Variants in NRXN3 observed in about 807,000 individuals in gnomAD.
NRXN3 encodes the protein neurexin III.
Under a neutral mutation model 137.6 loss-of-function variants are expected in NRXN3, and 32 were observed. That is an observed-to-expected ratio of 0.23 (90% CI 0.18 to 0.31). The LOEUF (loss-of-function observed/expected upper bound fraction) is 0.31. NRXN3 is among the 10% of genes least tolerant of loss of function. NRXN3 has a pLI of 1.00. For missense variants in NRXN3, 1,574 were observed against 2,062.5 expected (o/e 0.76, Z 4.59); for synonymous variants, 798 against 784.5 (o/e 1.02, Z -0.29).
intron 16 of NRXN3, among the ~76,000 whole-genome samples, chr14:79,639,261 T>C (rs531837209): frequency 8.5e-5 from 13 of 152,300 alleles, no homozygotes; most frequent in Admixed American, 3.3e-4. Flanking sequence ...AGTTTTGATA[T>C]ATAGGTAAAC....
intron 16 of NRXN3, among the ~76,000 whole-genome samples, chr14:79,560,119 A>G (rs2097476390): frequency 6.6e-6 from 1 of 152,158 alleles, no homozygotes; most frequent in African/African-American, 2.4e-5. Context: ...TACTATTTGC[A>G]ACTAACTGCT....
chr14:79,766,641 A>T (rs2139604255), intron 19 of NRXN3, among the ~76,000 whole-genome samples: 1 of 152,296 alleles, frequency 6.6e-6, no homozygotes, highest in Non-Finnish European at 1.5e-5. Flanking sequence ...TCTCACAAAG[A>T]TCTTCTTAGC....
intron 2 of NRXN3, among the ~76,000 whole-genome samples, chr14:78,271,837 G>A (rs1372262262): frequency 6.6e-6 from 1 of 152,150 alleles, no homozygotes; most frequent in Non-Finnish European, 1.5e-5. Flanking sequence ...CCTTATGTCG[G>A]GGATAAAGCT....
intron 15 of NRXN3, among the ~76,000 whole-genome samples, chr14:79,400,379 G>C (rs544172365): frequency 6.6e-6 from 1 of 152,188 alleles, no homozygotes; most frequent in Non-Finnish European, 1.5e-5. Flanking sequence ...ACAGTCTACT[G>C]TGTGTCAAGT....
chr14:79,428,498 T>C (rs1241272210), intron 15 of NRXN3, among the ~76,000 whole-genome samples: 1 of 152,080 alleles, frequency 6.6e-6, no homozygotes, highest in African/African-American at 2.4e-5. Context: ...AGACATGAAA[T>C]TCAGTGGAAA....
At chr14:78,492,703 G>A (rs923057038) in intron 4 of NRXN3, among the ~76,000 whole-genome samples, 2 of 152,160 alleles carry the variant, frequency 1.3e-5, no homozygotes, top group Admixed American at 6.5e-5. Context: ...TAGGGGCTGG[G>A]TGGATAATAT....
At chr14:78,451,330 G>T (rs1215593282) in intron 4 of NRXN3, among the ~76,000 whole-genome samples, 4 of 152,208 alleles carry the variant, frequency 2.6e-5, no homozygotes, top group Admixed American at 6.5e-5. Context: ...CTGGTATAAG[G>T]TGTGGGAGTT....
intron 10 of NRXN3, among the ~76,000 whole-genome samples, chr14:78,942,346 C>T (rs923662918): frequency 6.6e-6 from 1 of 152,206 alleles, no homozygotes; most frequent in Admixed American, 6.5e-5. Context: ...CCTGTCTTAA[C>T]ACTGAGCCTC....
At chr14:79,121,229 C>T (rs1170106551) in intron 15 of NRXN3, among the ~76,000 whole-genome samples, 4 of 152,154 alleles carry the variant, frequency 2.6e-5, no homozygotes, top group South Asian at 2.1e-4. Flanking sequence ...CTTTTCAAGG[C>T]GACTGAGAGC....
chr14:78,748,608 A>C (rs1595476095), intron 8 of NRXN3, among the ~76,000 whole-genome samples: 1 of 152,244 alleles, frequency 6.6e-6, no homozygotes, highest in Admixed American at 6.5e-5. Context: ...GAAGACACAC[A>C]GTAAAGGAGC....
intron 10 of NRXN3, among the ~76,000 whole-genome samples, chr14:78,924,678 AG>A (rs2099280199): frequency 6.6e-6 from 1 of 152,240 alleles, no homozygotes; most frequent in Non-Finnish European, 1.5e-5. Flanking sequence ...TTCAAAAAAA[AG>A]TAAAGCAGTA....
rs563847589 is a variant in NRXN3, at chr14:78,378,683, G to T, written c.757+80823G>T. 1.9e-4 allele frequency among the ~76,000 whole-genome samples: 29 copies of T among 151,698 alleles called. No individual in the cohort carries two copies. In the South Asian group the frequency reaches 5.9e-3, roughly 31 times the overall value. On this transcript the variant is annotated intron_variant, in intron 4 of 20. Transcript: ENST00000335750. ...ATACATACATTAGAAAAGAGGAAAAGTCTCAAATCAATAATCAAACTCACA... is the reference window on the plus strand; with the variant it reads ...ATACATACATTAGAAAAGAGGAAAATTCTCAAATCAATAATCAAACTCACA...
chr14:79,808,253 A>AT (rs1253566704), intron 20 of NRXN3, among the ~76,000 whole-genome samples: 513 of 129,028 alleles, frequency 4.0e-3, no homozygotes, highest in Middle Eastern at 0.016. Flanking sequence ...AAAAAAAAAA[A>AT]AAATATATAT....
intron 6 of NRXN3, among the ~76,000 whole-genome samples, chr14:78,663,936 G>A (rs1342583439): frequency 6.6e-6 from 1 of 152,182 alleles, no homozygotes; most frequent in East Asian, 1.9e-4. Flanking sequence ...TTCAAAAATT[G>A]TTTTGCAAAT....
At chr14:78,359,765 A>G (rs775357067) in intron 4 of NRXN3, among the ~76,000 whole-genome samples, 23 of 152,192 alleles carry the variant, frequency 1.5e-4, no homozygotes, top group Non-Finnish European at 2.8e-4. Flanking sequence ...GTTGGGAAAT[A>G]CACACTTGTA....
At chr14:79,565,949 C>G (rs943666699) in intron 16 of NRXN3, among the ~76,000 whole-genome samples, 4 of 152,026 alleles carry the variant, frequency 2.6e-5, no homozygotes, top group Admixed American at 6.6e-5. Flanking sequence ...TACAGGCACC[C>G]AAGAACAGGC....
chr14:79,475,984 G>A (rs1458118129), intron 16 of NRXN3, among the ~76,000 whole-genome samples: 2 of 152,046 alleles, frequency 1.3e-5, no homozygotes, highest in African/African-American at 2.4e-5. Flanking sequence ...GTGAATGCTG[G>A]GGCTCACAGG....
At chr14:78,510,813 T>C (rs1295357344) in intron 4 of NRXN3, among the ~76,000 whole-genome samples, 3 of 152,204 alleles carry the variant, frequency 2.0e-5, no homozygotes, top group Non-Finnish European at 4.4e-5. Flanking sequence ...CCAAGTGCTA[T>C]AGGTACTAAC....
chr14:78,569,906 C>A (rs1600640431), intron 4 of NRXN3, among the ~76,000 whole-genome samples: 2 of 152,346 alleles, frequency 1.3e-5, no homozygotes, highest in East Asian at 3.9e-4. Context: ...CCGGAAACTG[C>A]AGTTCTAACA....
Sources: allele counts gnomAD v4.1 joint callset (sites outside exome capture counted in the v4.1 genomes callset), GRCh38; gene constraint gnomAD v4.1.1; transcripts MANE v1.5; gene names NCBI Gene and HGNC (gene_info 2026-07-23, HGNC 2026-07-21).